Variants in CADPS2 observed in about 807,000 individuals in gnomAD.
CADPS2 encodes the protein calcium-dependent secretion activator 2.
In CADPS2, 93 loss-of-function variants were observed where a neutral mutation model predicts 172.5. That is an observed-to-expected ratio of 0.54 (90% CI 0.46 to 0.64). The LOEUF is 0.64. Among genes scored for constraint, CADPS2 ranks in the 30% least tolerant of loss-of-function variants. The probability of loss-of-function intolerance (pLI) is 0.00; values close to 1 mark genes in which losing one functional copy is unlikely to be tolerated. For missense variants in CADPS2, 1,420 were observed against 1,565.9 expected, an observed-to-expected ratio of 0.91 and a Z score of 1.57; for synonymous variants, 546 against 555.2, an observed-to-expected ratio of 0.98 and a Z score of 0.23.
At chr7:122,656,195 C>T (rs889292772) in intron 3 of CADPS2, among the ~76,000 whole-genome samples, 1 of 152,250 alleles carries the variant, frequency 6.6e-6, no homozygotes, top group Admixed American at 6.5e-5. Context: ...CCAAACTTTG[C>T]TGGACTTTCC....
chr7:122,343,956 G>C (rs573358168), intron 28 of CADPS2, among the ~76,000 whole-genome samples: 12 of 152,268 alleles, frequency 7.9e-5, no homozygotes, highest in Admixed American at 1.3e-4. Context: ...AAAGCTTTTA[G>C]AAAATCATTT....
chr7:122,330,046 A>G (rs1033983936), intron 28 of CADPS2, among the ~76,000 whole-genome samples: 2 of 152,200 alleles, frequency 1.3e-5, no homozygotes, highest in African/African-American at 4.8e-5. Flanking sequence ...GCTTGTCTCA[A>G]TAGGTGACAA....
intron 6 of CADPS2, among the ~76,000 whole-genome samples, chr7:122,598,334 T>C (rs1230245581): frequency 6.6e-6 from 1 of 152,076 alleles, no homozygotes; most frequent in Non-Finnish European, 1.5e-5. Context: ...ATAATAGCTT[T>C]AGAAACGTTC....
chr7:122,381,130 C>T lies in CADPS2; in HGVS notation c.3313-1688G>A, dbSNP rs73717643. 7.2e-3 allele frequency among the ~76,000 whole-genome samples: 1,097 copies of T among 152,180 alleles called. 13 individuals carry two copies. The highest frequency in any genetic ancestry group is 0.025 in the African/African-American group (1,041 of 41,536). On this transcript the variant is annotated intron_variant, in intron 24 of 29. Transcript: ENST00000449022. ...GTAGGGTAATCCCTCCACAGACACA[C>T]TTACAAAAAAGGCCCCCCAGCTCCT...
intron 1 of CADPS2, among the ~76,000 whole-genome samples, chr7:122,819,658 C>T (rs1802543616): frequency 6.6e-6 from 1 of 152,198 alleles, no homozygotes; most frequent in South Asian, 2.1e-4. Flanking sequence ...TTTTAGTTAT[C>T]CCCACCTGCC....
At chr7:122,834,793 C>T (rs866333874) in intron 1 of CADPS2, among the ~76,000 whole-genome samples, 15 of 152,158 alleles carry the variant, frequency 9.9e-5, no homozygotes, top group African/African-American at 3.4e-4. Flanking sequence ...CCTGGAAGCT[C>T]GAACTGGGTG....
intron 1 of CADPS2, among the ~76,000 whole-genome samples, chr7:122,814,307 ATCT>A (rs1460999814): frequency 6.6e-6 from 1 of 152,072 alleles, no homozygotes; most frequent in Non-Finnish European, 1.5e-5. Context: ...ATGACATGAT[ATCT>A]TCTTAACTTA....
At chr7:122,701,814 AG>A (rs2086142002) in intron 2 of CADPS2, 14 of 1,491,250 alleles carry the variant, frequency 9.4e-6, no homozygotes, top group Non-Finnish European at 1.3e-5. Context: ...TTACATCTTC[AG>A]AAAATTCTCC....
At chr7:122,843,727 G>A (rs1029768215) in intron 1 of CADPS2, among the ~76,000 whole-genome samples, 1 of 152,114 alleles carries the variant, frequency 6.6e-6, no homozygotes, top group African/African-American at 2.4e-5. Flanking sequence ...GAGAACACAA[G>A]AGCTAGAAAA....
At chr7:122,676,780 C>A in intron 2 of CADPS2, 2 of 991,430 alleles carry the variant, frequency 2.0e-6, no homozygotes, top group African/African-American at 1.6e-5. Context: ...GACTGTGAAC[C>A]AAACCATCAT....
chr7:122,713,347 A>G (rs993658242), intron 2 of CADPS2, among the ~76,000 whole-genome samples: 3 of 152,094 alleles, frequency 2.0e-5, no homozygotes, highest in East Asian at 3.9e-4. Flanking sequence ...CAACCTATCT[A>G]AACTCATGTG....
chr7:122,809,223 C>T (rs1340351702), intron 1 of CADPS2, among the ~76,000 whole-genome samples: 1 of 152,110 alleles, frequency 6.6e-6, no homozygotes, highest in East Asian at 1.9e-4. Flanking sequence ...TCCCTCACCT[C>T]CTAGTGTGAA....
chr7:122,438,372 G>C lies in CADPS2; in HGVS notation c.2445C>G (p.Tyr815Ter). Residue 815 changes from tyrosine (Y) to a stop codon, truncating the protein, a stop_gained, in exon 17 of 30, where the codon TAC becomes TAG. Coordinates refer to ENST00000449022, the MANE Select transcript of CADPS2 (RefSeq NM_017954.11). LOFTEE classifies it high-confidence loss of function. ...TTTTGGCATATTCTGTGAGTCTAGT[G>C]TAATTGATCAAGGCAGCTTTCTCGA... is the stretch of plus-strand genomic sequence containing the variant. ...KCLEKAALINYTRLTEYAKIE... is the reference protein window; with the variant it reads ...KCLEKAALIN 1 of 1,613,164 alleles carries C rather than the reference G, an allele frequency of 6.2e-7. No individual in the cohort carries two copies. The highest frequency in any genetic ancestry group is 2.2e-5 in the East Asian group (1 of 44,848).
At chr7:122,621,770 A>T (rs1192841005) in intron 4 of CADPS2, 53 bp from the exon 5 acceptor site, 1 of 1,002,340 alleles carries the variant, frequency 1.0e-6, no homozygotes, top group Non-Finnish European at 1.5e-6. Flanking sequence ...TTTCAATTTT[A>T]TCATACAAAA....
intron 6 of CADPS2, among the ~76,000 whole-genome samples, chr7:122,597,564 CT>C (rs2072034606): frequency 6.6e-6 from 1 of 152,062 alleles, no homozygotes; most frequent in Non-Finnish European, 1.5e-5. Flanking sequence ...CACCACATGA[CT>C]GCTTAAGTAG....
At position 122,765,201 on chromosome 7, in the gene CADPS2, T is replaced by C. The variant is rs190333861; in HGVS notation, c.340-28133A>G. 2.6e-3 allele frequency among the ~76,000 whole-genome samples: 391 copies of C among 152,308 alleles called. 3 individuals carry two copies. Among genetic ancestry groups the C allele is most frequent in the African/African-American group, 9.2e-3 (384 of 41,564 alleles). On this transcript the variant is annotated intron_variant, in intron 1 of 29. Coordinates refer to ENST00000449022, the MANE Select transcript of CADPS2 (RefSeq NM_017954.11). ...TCAAGATTTAGAAGGCTCACAGTTA[T>C]ATTTTACTCCAGCAAATGTCAGGGC...
chr7:122,698,826 A>T, intron 2 of CADPS2: 1 of 1,613,814 alleles, frequency 6.2e-7, no homozygotes, highest in Non-Finnish European at 8.5e-7. Flanking sequence ...TTGCTCTGCA[A>T]CAGTTCTGAC....
intron 6 of CADPS2, among the ~76,000 whole-genome samples, chr7:122,583,617 T>C (rs1205534593): frequency 6.6e-6 from 1 of 150,920 alleles, no homozygotes; most frequent in East Asian, 1.9e-4. Flanking sequence ...GCATATGATA[T>C]ATACATAATA....
rs1017351012 is a variant in CADPS2 at position 122,684,512 on chromosome 7, G to C, written c.454-20943C>G. On this transcript the variant is annotated intron_variant, in intron 2 of 29. Transcript: ENST00000449022. Reference sequence around the variant, plus strand: ...CATTTTATTCTATTTGTTCTTTCACGTATCAACCCAATCCTTCATCAATTC... The same window carrying C: ...CATTTTATTCTATTTGTTCTTTCACCTATCAACCCAATCCTTCATCAATTC... 2.7e-5 allele frequency among the ~76,000 whole-genome samples: 4 copies of C among 150,306 alleles called. No individual in the cohort carries two copies. In the South Asian group the frequency reaches 8.4e-4, roughly 32 times the overall value.
Sources: gnomAD v4.1 joint callset for allele counts (sites outside exome capture counted in the v4.1 genomes callset) on GRCh38, gnomAD v4.1.1 for gene constraint, MANE v1.5 for transcripts, NCBI Gene and HGNC (gene_info 2026-07-23, HGNC 2026-07-21) for gene names.